ADRA1B: variants seen among roughly 807,000 people sequenced by gnomAD.
The protein encoded by ADRA1B is adrenoceptor alpha 1B.
Under a neutral mutation model 17.9 loss-of-function variants are expected in ADRA1B, and 17 were observed. The ratio of observed to expected loss-of-function variants is 0.95; its 90% confidence interval spans 0.65 to 1.42. ADRA1B has a LOEUF of 1.42. Ranked by LOEUF, ADRA1B falls within the 40% of genes most tolerant of loss-of-function variation. ADRA1B has a pLI of 0.00. For synonymous variants in ADRA1B, 366 were observed against 327.6 expected (o/e 1.12, Z -1.27); for missense variants, 681 against 722.1 (o/e 0.94, Z 0.65).
chr5:159,950,620 G>GT (rs1755409310), intron 1 of ADRA1B: 11 of 866,546 alleles, frequency 1.3e-5, no homozygotes, highest in Middle Eastern at 3.4e-4. Context: ...AGCATCAAAG[G>GT]TGGAGGAGTG....
chr5:159,932,745 ATAACT>A (rs969739478), intron 1 of ADRA1B, among the ~76,000 whole-genome samples: 3 of 152,202 alleles, frequency 2.0e-5, no homozygotes, highest in Non-Finnish European at 2.9e-5. Context: ...TTTAATGGAA[ATAACT>A]TAAACACTAT....
intron 1 of ADRA1B, among the ~76,000 whole-genome samples, chr5:159,909,419 T>C (rs1754202313): frequency 1.3e-5 from 2 of 152,138 alleles, no homozygotes; most frequent in South Asian, 4.1e-4. Context: ...AAGGAAAAGG[T>C]TCCCACCACT....
At chr5:159,938,649 G>A (rs532619751) in intron 1 of ADRA1B, among the ~76,000 whole-genome samples, 1 of 152,352 alleles carries the variant, frequency 6.6e-6, no homozygotes, top group African/African-American at 2.4e-5. Flanking sequence ...TGGGTCATTT[G>A]CCAGCATTTA....
intron 1 of ADRA1B, among the ~76,000 whole-genome samples, chr5:159,969,207 G>T (rs1216367766): frequency 6.6e-6 from 1 of 152,122 alleles, no homozygotes; most frequent in African/African-American, 2.4e-5. Flanking sequence ...CCTAAAAAGA[G>T]GTCAGTACTT....
At chr5:159,898,012 TC>T (rs1255343298) in intron 1 of ADRA1B, among the ~76,000 whole-genome samples, 1 of 152,204 alleles carries the variant, frequency 6.6e-6, no homozygotes, top group Non-Finnish European at 1.5e-5. Context: ...CCCTGCCACT[TC>T]CGGCTCCCAT....
At chr5:159,957,711 G>A (rs1755583377) in intron 1 of ADRA1B, among the ~76,000 whole-genome samples, 1 of 151,668 alleles carries the variant, frequency 6.6e-6, no homozygotes, top group Non-Finnish European at 1.5e-5. Context: ...CAGTGCAGGT[G>A]GATCACCTGA....
chr5:159,887,411 C>T (rs1235878096), intron 1 of ADRA1B, among the ~76,000 whole-genome samples: 4 of 152,196 alleles, frequency 2.6e-5, no homozygotes, highest in Non-Finnish European at 5.9e-5. Flanking sequence ...CTATTATAAT[C>T]ATCTTATCAG....
intron 1 of ADRA1B, among the ~76,000 whole-genome samples, chr5:159,919,963 T>C (rs534802714): frequency 6.6e-6 from 1 of 152,358 alleles, no homozygotes; most frequent in East Asian, 1.9e-4. Context: ...TTTGCTTCTC[T>C]AGGCTTCAGG....
At chr5:159,909,520 A>G (rs1754203383) in intron 1 of ADRA1B, among the ~76,000 whole-genome samples, 1 of 152,244 alleles carries the variant, frequency 6.6e-6, no homozygotes, top group African/African-American at 2.4e-5. Context: ...AAAAAGGAAG[A>G]AGAGAAAGGA....
At chr5:159,885,843 C>T (rs1012743316) in intron 1 of ADRA1B, among the ~76,000 whole-genome samples, 4 of 152,330 alleles carry the variant, frequency 2.6e-5, no homozygotes, top group Non-Finnish European at 5.9e-5. Flanking sequence ...TGTAACTCTA[C>T]AAGCATTGTT....
At chr5:159,955,031 A>C in intron 1 of ADRA1B, 1 of 563,252 alleles carries the variant, frequency 1.8e-6, no homozygotes, top group Non-Finnish European at 2.2e-6. Flanking sequence ...ATCTTGCTGG[A>C]ACCTGGAGAA....
rs557562861 is a variant in ADRA1B, at chr5:159,921,735, C to A, written c.949+3881C>A. Among the ~76,000 whole-genome samples the A allele has an allele frequency of 4.6e-5, 7 of 152,344 alleles. No individual in the cohort carries two copies. The South Asian group carries it at 1.5e-3, about 32-fold the overall frequency. ...TCAATTTCAAAGAAACAGTTTTGTT[C>A]TCCATAGTATTGGAACAAAATAGAA... On this transcript the variant is annotated intron_variant, in intron 1 of 1. Transcript: ENST00000306675.
chr5:159,882,045 A>C (rs1753868831), intron 1 of ADRA1B, among the ~76,000 whole-genome samples: 1 of 152,124 alleles, frequency 6.6e-6, no homozygotes, highest in South Asian at 2.1e-4. Flanking sequence ...TCCCATCTGC[A>C]AGCGCTGAAC....
intron 1 of ADRA1B, among the ~76,000 whole-genome samples, chr5:159,930,764 C>G (rs1754781691): frequency 6.6e-6 from 1 of 151,814 alleles, no homozygotes; most frequent in Admixed American, 6.6e-5. Flanking sequence ...AGATTATTAG[C>G]TTTTTTATAA....
chr5:159,962,935 CTTTT>C (rs1206944978), intron 1 of ADRA1B, among the ~76,000 whole-genome samples: 1 of 41,780 alleles, frequency 2.4e-5, no homozygotes, highest in Non-Finnish European at 5.0e-5. Flanking sequence ...CTTTTCTTTT[CTTTT>C]TTTTTTTTTT....
At position 159,945,803 on chromosome 5, in the gene ADRA1B, A is replaced by G. The variant is rs796817079; in HGVS notation, c.950-26076A>G. ...TGCTCTGTTGCCCAGGCTGGAGTGC[A>G]GTGGCGCGATCTCGGCTCACTGCAA... On this transcript the variant is annotated intron_variant, in intron 1 of 1. Coordinates refer to ENST00000306675, the MANE Select transcript of ADRA1B (RefSeq NM_000679.4). Among the ~76,000 whole-genome samples, 116 of 149,884 alleles carry G rather than the reference A, an allele frequency of 7.7e-4. 1 individual carries two copies. The highest frequency in any genetic ancestry group is 2.7e-3 in the African/African-American group (111 of 40,912).
chr5:159,969,928 A>ATT (rs67558049), intron 1 of ADRA1B, among the ~76,000 whole-genome samples: 1 of 151,138 alleles, frequency 6.6e-6, no homozygotes, highest in Non-Finnish European at 1.5e-5. Flanking sequence ...TATTAATTGC[A>ATT]TTTTTTTAAA....
chr5:159,963,642 C>G (rs1299995095), intron 1 of ADRA1B, among the ~76,000 whole-genome samples: 2 of 152,148 alleles, frequency 1.3e-5, no homozygotes, highest in East Asian at 1.9e-4. Flanking sequence ...AGCACTTAGC[C>G]CATCGCCTGG....
At chr5:159,907,293 C>T (rs1754172676) in intron 1 of ADRA1B, among the ~76,000 whole-genome samples, 1 of 152,168 alleles carries the variant, frequency 6.6e-6, no homozygotes, top group Admixed American at 6.5e-5. Flanking sequence ...CAAGCCCTGG[C>T]TCTCTGGATA....
Sources: allele counts gnomAD v4.1 joint callset (sites outside exome capture counted in the v4.1 genomes callset), GRCh38; gene constraint gnomAD v4.1.1; transcripts MANE v1.5; gene names NCBI Gene and HGNC (gene_info 2026-07-23, HGNC 2026-07-21).